SOX5: variants seen among roughly 807,000 people sequenced by gnomAD.
SOX5 encodes the protein SRY-box transcription factor 5.
In SOX5, 9 loss-of-function variants were observed where a neutral mutation model predicts 92.0. That is an observed-to-expected ratio of 0.10 (90% CI 0.06 to 0.17). The LOEUF is 0.17. Among genes scored for constraint, SOX5 ranks in the 10% least tolerant of loss-of-function variants. SOX5 has a pLI of 1.00. For missense variants in SOX5, 642 were observed against 944.5 expected (o/e 0.68, Z 4.20); for synonymous variants, 344 against 336.3 (o/e 1.02, Z -0.25).
chr12:23,789,310 GA>G (rs2095431338), intron 3 of SOX5, among the ~76,000 whole-genome samples: 1 of 151,224 alleles, frequency 6.6e-6, no homozygotes, highest in African/African-American at 2.4e-5. Context: ...TTTTAATTCT[GA>G]GGGTAACAAT....
intron 4 of SOX5, among the ~76,000 whole-genome samples, chr12:24,175,976 C>A (rs1274047248): frequency 6.9e-6 from 1 of 144,220 alleles, no homozygotes; most frequent in East Asian, 1.9e-4. Flanking sequence ...CAAGGCAAGG[C>A]CCATCAAGAT....
intron 4 of SOX5, among the ~76,000 whole-genome samples, chr12:23,968,495 G>GTTATCACGGGAGTGGGTTTC (rs1177844103): frequency 1.3e-5 from 2 of 152,168 alleles, no homozygotes; most frequent in Non-Finnish European, 2.9e-5. Flanking sequence ...GAGTGGGTTT[G>GTTATCACGGGAGTGGGTTTC]TTATCACGGG....
chr12:24,204,460 C>T (rs920806210), intron 4 of SOX5, among the ~76,000 whole-genome samples: 3 of 151,978 alleles, frequency 2.0e-5, no homozygotes, highest in Admixed American at 6.6e-5. Context: ...TCCTGAGTAA[C>T]TGGGATTATG....
At chr12:23,698,674 T>C (rs1214479910) in intron 6 of SOX5, among the ~76,000 whole-genome samples, 1 of 152,198 alleles carries the variant, frequency 6.6e-6, no homozygotes, top group East Asian at 1.9e-4. Flanking sequence ...CTTGCTTCTT[T>C]CTATGCATGC....
intron 2 of SOX5, among the ~76,000 whole-genome samples, chr12:24,296,908 C>T (rs1947323733): frequency 7.1e-6 from 1 of 140,552 alleles, no homozygotes; most frequent in Non-Finnish European, 1.5e-5. Flanking sequence ...GCAGACCCCA[C>T]ATGGCCCTAC....
At chr12:23,831,173 A>G (rs1177953625) in intron 3 of SOX5, among the ~76,000 whole-genome samples, 1 of 152,124 alleles carries the variant, frequency 6.6e-6, no homozygotes, top group African/African-American at 2.4e-5. Flanking sequence ...TAATTTCTGT[A>G]AAAAATACAA....
chr12:24,103,918 C>G (rs1946381512), intron 4 of SOX5, among the ~76,000 whole-genome samples: 1 of 152,118 alleles, frequency 6.6e-6, no homozygotes, highest in Non-Finnish European at 1.5e-5. Flanking sequence ...GTGAAGACTT[C>G]TGATGAGACA....
intron 1 of SOX5, among the ~76,000 whole-genome samples, chr12:24,536,526 T>C (rs1951657463): frequency 6.6e-6 from 1 of 152,176 alleles, no homozygotes; most frequent in Admixed American, 6.5e-5. Flanking sequence ...AAATAATGAA[T>C]TCCAGTATGG....
At chr12:24,328,171 A>G (rs1246753291) in intron 2 of SOX5, among the ~76,000 whole-genome samples, 1 of 152,214 alleles carries the variant, frequency 6.6e-6, no homozygotes, top group Non-Finnish European at 1.5e-5. Context: ...TAGCTGGCCA[A>G]TCTAAACTAT....
intron 6 of SOX5, among the ~76,000 whole-genome samples, chr12:23,696,867 T>A (rs1593379126): frequency 6.6e-6 from 1 of 152,194 alleles, no homozygotes; most frequent in South Asian, 2.1e-4. Flanking sequence ...ATTTTAGAGG[T>A]ATTTTATTTA....
intron 1 of SOX5, among the ~76,000 whole-genome samples, chr12:23,908,878 T>C (rs1260423273): frequency 6.6e-6 from 1 of 152,142 alleles, no homozygotes; most frequent in Non-Finnish European, 1.5e-5. Context: ...TTTCCTATTT[T>C]TCTAGCTTGA....
At chr12:24,269,128 T>C (rs936112438) in intron 3 of SOX5, among the ~76,000 whole-genome samples, 2 of 152,158 alleles carry the variant, frequency 1.3e-5, no homozygotes, top group Non-Finnish European at 2.9e-5. Context: ...ATTATTTTCC[T>C]TTTTCAAGCA....
intron 4 of SOX5, among the ~76,000 whole-genome samples, chr12:24,085,900 T>C (rs1943930722): frequency 6.9e-6 from 1 of 144,012 alleles, no homozygotes; most frequent in African/African-American, 2.6e-5. Flanking sequence ...GGTAAAACAA[T>C]CCCCACAGGT....
At chr12:24,446,817 G>A (rs1468387605) in intron 1 of SOX5, among the ~76,000 whole-genome samples, 1 of 152,168 alleles carries the variant, frequency 6.6e-6, no homozygotes, top group African/African-American at 2.4e-5. Flanking sequence ...ACTATAAGAT[G>A]GGAGATTCAT....
intron 1 of SOX5, among the ~76,000 whole-genome samples, chr12:24,517,709 T>G (rs953545049): frequency 9.8e-4 from 149 of 152,142 alleles, no homozygotes; most frequent in African/African-American, 3.2e-3. Flanking sequence ...CCATGTTTTT[T>G]TTTTTTTTTT....
intron 2 of SOX5, among the ~76,000 whole-genome samples, chr12:23,854,743 C>T (rs1037624435): frequency 2.0e-5 from 3 of 152,058 alleles, no homozygotes; most frequent in African/African-American, 7.2e-5. Context: ...TTCCATCATT[C>T]ACCAGTTGTG....
chr12:23,872,001 T>C (rs974416788), intron 2 of SOX5, among the ~76,000 whole-genome samples: 4 of 150,258 alleles, frequency 2.7e-5, no homozygotes, highest in Admixed American at 2.7e-4. Flanking sequence ...TTCTTTTTTT[T>C]TTTTTCTTTT....
At chr12:24,383,637 T>A (rs1435301712) in intron 1 of SOX5, among the ~76,000 whole-genome samples, 1 of 152,198 alleles carries the variant, frequency 6.6e-6, no homozygotes, top group Non-Finnish European at 1.5e-5. Flanking sequence ...AGTAGCAGCT[T>A]GGTTATCAGA....
intron 4 of SOX5, among the ~76,000 whole-genome samples, chr12:24,000,697 C>T (rs1220123370): frequency 6.6e-6 from 1 of 152,004 alleles, no homozygotes; most frequent in African/African-American, 2.4e-5. Flanking sequence ...GTATATCCAA[C>T]CCTATAATAA....
Sources: allele counts gnomAD v4.1 joint callset (sites outside exome capture counted in the v4.1 genomes callset), GRCh38; gene constraint gnomAD v4.1.1; transcripts MANE v1.5; gene names NCBI Gene and HGNC (gene_info 2026-07-23, HGNC 2026-07-21).